The following LBR variants were observed in gnomAD, a reference collection of about 807,000 sequenced individuals.
LBR encodes delta(14)-sterol reductase LBR.
A neutral mutation model predicts 74.3 loss-of-function variants in LBR; 28 were observed. That is an observed-to-expected ratio of 0.38 (90% CI 0.28 to 0.52). The LOEUF (loss-of-function observed/expected upper bound fraction) is 0.52. LBR is among the 20% of genes least tolerant of loss of function. LBR has a pLI of 0.89. For missense variants in LBR, 717 were observed against 760.3 expected (o/e 0.94, Z 0.67); for synonymous variants, 228 against 269.3 (o/e 0.85, Z 1.50).
At chr1:225,424,980 A>G (rs1277458327) in intron 1 of LBR, among the ~76,000 whole-genome samples, 3 of 152,208 alleles carry the variant, frequency 2.0e-5, no homozygotes, top group African/African-American at 7.2e-5. Context: ...CCAGTACCAC[A>G]TGAACTAGCT....
At chr1:225,414,997 C>A (rs147479421) in intron 7 of LBR, among the ~76,000 whole-genome samples, 7 of 152,290 alleles carry the variant, frequency 4.6e-5, no homozygotes, top group African/African-American at 1.7e-4. Flanking sequence ...CCGTGTAACA[C>A]CTCAGGTGAT....
intron 7 of LBR, among the ~76,000 whole-genome samples, chr1:225,414,761 A>T (rs1183213194): frequency 6.6e-6 from 1 of 152,230 alleles, no homozygotes; most frequent in Non-Finnish European, 1.5e-5. Context: ...TGGAGGCACA[A>T]ATGTCAGACA....
chr1:225,418,286 T>G (rs2096121252), intron 5 of LBR, 106 bp from the exon 6 acceptor site: 2 of 1,216,744 alleles, frequency 1.6e-6, no homozygotes, highest in Non-Finnish European at 2.4e-6. Flanking sequence ...TGGCTAACTG[T>G]CTGAAACCAA....
intron 11 of LBR, among the ~76,000 whole-genome samples, chr1:225,406,050 A>G (rs2096090872): frequency 6.6e-6 from 1 of 152,162 alleles, no homozygotes; most frequent in African/African-American, 2.4e-5. Flanking sequence ...TGGACTTCTC[A>G]GTCTTTCCCA....
intron 8 of LBR, among the ~76,000 whole-genome samples, chr1:225,412,245 T>C (rs368533564): frequency 1.4e-4 from 22 of 152,336 alleles, no homozygotes; most frequent in Admixed American, 3.9e-4. Context: ...AAAAAAGAAA[T>C]GAGTAAGAAA....
chr1:225,417,835 A>C, intron 6 of LBR, 149 bp downstream of exon 6: 1 of 712,582 alleles, frequency 1.4e-6, no homozygotes, highest in East Asian at 2.7e-5. Flanking sequence ...AACTACTCTA[A>C]GGCTGGGCAG....
At chr1:225,416,281 A>G (rs978677535) in intron 6 of LBR, among the ~76,000 whole-genome samples, 4 of 152,104 alleles carry the variant, frequency 2.6e-5, no homozygotes, top group Non-Finnish European at 4.4e-5. Context: ...TTCATTCGGC[A>G]TCACTCACAG....
chr1:225,404,127 T>C (rs574102612), intron 13 of LBR, among the ~76,000 whole-genome samples: 1 of 152,246 alleles, frequency 6.6e-6, no homozygotes, highest in South Asian at 2.1e-4. Context: ...ATTAAGAAGC[T>C]GAATTAATTT....
intron 13 of LBR, 93 bp downstream of exon 13, chr1:225,404,311 C>T (rs1397023494): frequency 6.4e-7 from 1 of 1,566,156 alleles, no homozygotes; most frequent in Non-Finnish European, 8.8e-7. Context: ...AGACTCACAC[C>T]CACCTTGGCC....
chr1:225,411,604 C>T (rs2096105845), intron 8 of LBR, among the ~76,000 whole-genome samples, 164 bp from the exon 9 acceptor site: 1 of 152,212 alleles, frequency 6.6e-6, no homozygotes, highest in African/African-American at 2.4e-5. Flanking sequence ...ACGAGCGGAA[C>T]CAGGAGATGC....
intron 3 of LBR, among the ~76,000 whole-genome samples, chr1:225,421,545 G>T (rs1357974088): frequency 6.6e-6 from 1 of 152,222 alleles, no homozygotes; most frequent in Non-Finnish European, 1.5e-5. Context: ...GTGAATAGAA[G>T]ATTACTTTTA....
At position 225,425,279 on chromosome 1, in the gene LBR, A is replaced by T. The variant is rs188856416; in HGVS notation, c.-14-1190T>A. ...TTAACCACCACATTTTTTCACTGTT[A>T]ATCGTCTGTGAAAAAACTTAACAAG... On this transcript the variant is annotated intron_variant, in intron 1 of 13. Transcript: ENST00000272163. Among the ~76,000 whole-genome samples the T allele has an allele frequency of 1.8e-4, 27 of 152,298 alleles. 1 individual carries two copies. The East Asian group carries it at 4.2e-3, about 24-fold the overall frequency.
intron 5 of LBR, 105 bp from the exon 6 acceptor site, chr1:225,418,285 G>T (rs2096121247): frequency 2.5e-6 from 3 of 1,213,254 alleles, no homozygotes; most frequent in Non-Finnish European, 3.5e-6. Flanking sequence ...CTGGCTAACT[G>T]TCTGAAACCA....
intron 11 of LBR, 41 bp from the exon 12 acceptor site, chr1:225,404,747 A>G: frequency 1.5e-6 from 2 of 1,310,846 alleles, no homozygotes; most frequent in Non-Finnish European, 2.2e-6. Flanking sequence ...TAACTTAGTT[A>G]TACTCTAATG....
Position 225,418,127 on chromosome 1 carries a change from T to A in LBR, c.694A>T (p.Met232Leu). 1 of 1,614,034 alleles carries A rather than the reference T, an allele frequency of 6.2e-7. No individual in the cohort carries two copies. The highest frequency in any genetic ancestry group is 1.1e-5 in the South Asian group (1 of 91,066). The change falls in exon 6 of 14, where the codon ATG becomes TTG. Residue 232 changes from methionine to leucine, a missense_variant. Transcript: ENST00000272163. ...AGACTGGGATCTTTCTGTTTACACATCAACAGCAACAGGAAGAGGAACACA... is the reference window on the plus strand; with the variant it reads ...AGACTGGGATCTTTCTGTTTACACAACAACAGCAACAGGAAGAGGAACACA... ...LPVFLFLLLL[M>L]CKQKDPSLLN...
At chr1:225,425,222 T>TGG (rs148205384) in intron 1 of LBR, among the ~76,000 whole-genome samples, 1 of 146,092 alleles carries the variant, frequency 6.8e-6, no homozygotes, top group African/African-American at 2.5e-5. Flanking sequence ...AGTGGGAGAG[T>TGG]GGGGGGGGAG....
Position 225,412,590 on chromosome 1 carries a change from G to A in LBR, c.948C>T (p.Gly316=), listed in dbSNP as rs139528051. Residue 316 remains glycine, a synonymous_variant, in exon 8 of 14, where the codon GGC becomes GGT. Transcript: ENST00000272163. ...GACTGTACACGTAATGAAACTCTACGCCCTGGAAGAGAGATGTTCCGATGA... is the reference window on the plus strand; with the variant it reads ...GACTGTACACGTAATGAAACTCTACACCCTGGAAGAGAGATGTTCCGATGA... ...SAVIGTSLFQ[G]VEFHYVYSHF... 12 of 1,612,778 alleles carry A rather than the reference G, an allele frequency of 7.4e-6. No homozygotes were observed. The highest frequency in any genetic ancestry group is 2.2e-5 in the East Asian group (1 of 44,844).
intron 10 of LBR, among the ~76,000 whole-genome samples, chr1:225,409,301 C>T (rs1005618001): frequency 2.6e-5 from 4 of 152,148 alleles, no homozygotes; most frequent in African/African-American, 9.7e-5. Context: ...CTCAAAGTGG[C>T]CCTAATCTTC....
At chr1:225,406,403 GA>G (rs2150945002) in intron 11 of LBR, among the ~76,000 whole-genome samples, 1 of 152,210 alleles carries the variant, frequency 6.6e-6, no homozygotes, top group South Asian at 2.1e-4. Context: ...TTACCAAAAC[GA>G]ATTAAAACAA....
Sources: allele counts gnomAD v4.1 joint callset (sites outside exome capture counted in the v4.1 genomes callset), GRCh38; gene constraint gnomAD v4.1.1; transcripts MANE v1.5; gene names NCBI Gene and HGNC (gene_info 2026-07-23, HGNC 2026-07-21).